MACROD2: variants seen among roughly 807,000 people sequenced by gnomAD.
MACROD2 encodes the protein mono-ADP ribosylhydrolase 2.
In MACROD2, 36 loss-of-function variants were observed where a neutral mutation model predicts 70.4. That is an observed-to-expected ratio of 0.51 (90% CI 0.39 to 0.68). The LOEUF is 0.68. Ranked by LOEUF, MACROD2 falls within the 30% of genes least tolerant of loss-of-function variation. MACROD2 has a pLI of 0.00. For missense variants in MACROD2, 496 were observed against 538.4 expected (o/e 0.92, Z 0.78); for synonymous variants, 172 against 178.8 (o/e 0.96, Z 0.30).
chr20:14,976,088 G>C (rs1055934559), intron 5 of MACROD2, among the ~76,000 whole-genome samples: 1 of 152,162 alleles, frequency 6.6e-6, no homozygotes, highest in Non-Finnish European at 1.5e-5. Context: ...CCCGTTGTCT[G>C]TGCCCCAGTG....
intron 8 of MACROD2, among the ~76,000 whole-genome samples, chr20:15,643,960 G>T (rs146421037): frequency 0.011 from 1,650 of 152,184 alleles, 14 homozygotes; most frequent in East Asian, 0.025. Context: ...ATGGAGGTGG[G>T]AATAAAAAAG....
At chr20:15,693,372 G>A (rs1402692125) in intron 8 of MACROD2, among the ~76,000 whole-genome samples, 1 of 152,148 alleles carries the variant, frequency 6.6e-6, no homozygotes, top group Non-Finnish European at 1.5e-5. Context: ...TATTAGGTAT[G>A]TAGTAGTATT....
intron 12 of MACROD2, among the ~76,000 whole-genome samples, chr20:15,961,774 C>T (rs1309248881): frequency 6.6e-6 from 1 of 152,146 alleles, no homozygotes; most frequent in Non-Finnish European, 1.5e-5. Context: ...ATTCCAAGCC[C>T]TTTACATTCA....
chr20:15,806,742 T>A (rs961426988), intron 8 of MACROD2, among the ~76,000 whole-genome samples: 1 of 152,212 alleles, frequency 6.6e-6, no homozygotes, highest in East Asian at 1.9e-4. Context: ...CTTAAAATGA[T>A]GTAATTTTGT....
At position 14,342,166 on chromosome 20, in the gene MACROD2, C is replaced by A. The variant is rs142346447; in HGVS notation, c.272-151313C>A. Among the ~76,000 whole-genome samples, 29 of 152,214 alleles carry A rather than the reference C, an allele frequency of 1.9e-4. No individual in the cohort carries two copies. The East Asian group carries it at 5.4e-3, about 28-fold the overall frequency. ...ATGCAGGAGCTGCAGATAAGCCCAG[C>A]CTTACTCAGACACAGAACTGAGAAT... On this transcript the variant is annotated intron_variant, in intron 3 of 17. Coordinates refer to ENST00000684519, the MANE Select transcript of MACROD2 (RefSeq NM_001351661.2).
intron 6 of MACROD2, among the ~76,000 whole-genome samples, chr20:15,257,364 T>C (rs2077208595): frequency 1.3e-5 from 2 of 152,010 alleles, no homozygotes; most frequent in South Asian, 2.1e-4. Flanking sequence ...AGTCATGAAA[T>C]TGAATTCGGC....
intron 5 of MACROD2, among the ~76,000 whole-genome samples, chr20:14,773,253 G>A (rs573262146): frequency 3.3e-5 from 5 of 151,994 alleles, no homozygotes; most frequent in Non-Finnish European, 7.4e-5. Context: ...CTGAATATCT[G>A]ATAGATGTAT....
chr20:14,789,181 A>G (rs1044554209), intron 5 of MACROD2, among the ~76,000 whole-genome samples: 2 of 151,988 alleles, frequency 1.3e-5, no homozygotes, highest in African/African-American at 4.8e-5. Context: ...TTAGGCCTAT[A>G]TCGAAACCTG....
rs144312085 is a variant in MACROD2, at chr20:14,017,233, G to A, written c.163+14829G>A. ...GATGTATTCAAGCTAACAATTTTTCGGGTTTTCTGCATTTACGATCATGTC... is the reference window on the plus strand; with the variant it reads ...GATGTATTCAAGCTAACAATTTTTCAGGTTTTCTGCATTTACGATCATGTC... On this transcript the variant is annotated intron_variant, in intron 2 of 17. Transcript: ENST00000684519. Among the ~76,000 whole-genome samples, 272 of 152,058 alleles carry A rather than the reference G, an allele frequency of 1.8e-3. 1 individual carries two copies. Among genetic ancestry groups the A allele is most frequent in the African/African-American group, 6.5e-3 (268 of 41,522 alleles).
intron 3 of MACROD2, among the ~76,000 whole-genome samples, chr20:14,091,548 A>G (rs951148594): frequency 6.6e-6 from 1 of 152,180 alleles, no homozygotes; most frequent in African/African-American, 2.4e-5. Context: ...GCTTGGTTTA[A>G]TCATCCACAC....
intron 6 of MACROD2, among the ~76,000 whole-genome samples, chr20:15,430,513 C>T (rs745436240): frequency 6.6e-6 from 1 of 151,918 alleles, no homozygotes; most frequent in African/African-American, 2.4e-5. Flanking sequence ...CACAGAAATC[C>T]CTTGGCAGAG....
chr20:14,581,126 CA>C (rs1296332885), intron 4 of MACROD2, among the ~76,000 whole-genome samples: 1 of 152,196 alleles, frequency 6.6e-6, no homozygotes, highest in Non-Finnish European at 1.5e-5. Flanking sequence ...TCAGCTAAAG[CA>C]TATGATCTAA....
At chr20:15,337,096 G>A (rs937032942) in intron 6 of MACROD2, among the ~76,000 whole-genome samples, 14 of 151,662 alleles carry the variant, frequency 9.2e-5, no homozygotes, top group African/African-American at 3.2e-4. Context: ...ATATTGTACC[G>A]TTTTGAAGTT....
At chr20:15,258,720 A>G (rs532271378) in intron 6 of MACROD2, among the ~76,000 whole-genome samples, 9 of 152,090 alleles carry the variant, frequency 5.9e-5, no homozygotes, top group Non-Finnish European at 1.3e-4. Flanking sequence ...TTACTGCCAA[A>G]TAGTACTTTT....
chr20:14,382,565 G>T (rs1450424890), intron 3 of MACROD2, among the ~76,000 whole-genome samples: 1 of 151,988 alleles, frequency 6.6e-6, no homozygotes, highest in East Asian at 2.0e-4. Context: ...CGACTCCGGA[G>T]GCTGAGGCAG....
intron 2 of MACROD2, 37 bp downstream of exon 2, chr20:14,002,441 T>TC: frequency 7.4e-7 from 1 of 1,359,454 alleles, no homozygotes; most frequent in Non-Finnish European, 1.0e-6. Flanking sequence ...TAGATATTTT[T>TC]CCCATTTTAG....
chr20:15,190,384 T>C (rs2145913658), intron 5 of MACROD2, among the ~76,000 whole-genome samples: 1 of 152,238 alleles, frequency 6.6e-6, no homozygotes, highest in African/African-American at 2.4e-5. Context: ...CATCCCATAT[T>C]CATAGTCCCC....
chr20:15,013,606 G>A (rs1277740781), intron 5 of MACROD2, among the ~76,000 whole-genome samples: 1 of 152,116 alleles, frequency 6.6e-6, no homozygotes, highest in African/African-American at 2.4e-5. Context: ...TTTTGCTGCA[G>A]TTCAGGACAA....
chr20:15,386,495 A>G (rs2146286336), intron 6 of MACROD2, among the ~76,000 whole-genome samples: 1 of 152,342 alleles, frequency 6.6e-6, no homozygotes, highest in African/African-American at 2.4e-5. Context: ...GGGAAATTTC[A>G]TTATGATTTC....
Sources: allele counts gnomAD v4.1 joint callset (sites outside exome capture counted in the v4.1 genomes callset), GRCh38; gene constraint gnomAD v4.1.1; transcripts MANE v1.5; gene names NCBI Gene and HGNC (gene_info 2026-07-23, HGNC 2026-07-21).